The following KDSR variants were observed in gnomAD, a reference collection of about 807,000 sequenced individuals.
KDSR encodes the protein 3-ketodihydrosphingosine reductase.
A neutral mutation model predicts 41.3 loss-of-function variants in KDSR; 23 were observed. The ratio of observed to expected loss-of-function variants is 0.56; its 90% confidence interval spans 0.40 to 0.79. KDSR has a LOEUF of 0.79. Ranked by LOEUF, KDSR falls within the 30% of genes least tolerant of loss-of-function variation. KDSR has a pLI of 0.00. For synonymous variants in KDSR, 138 were observed against 151.7 expected (o/e 0.91, Z 0.66); for missense variants, 351 against 416.8 (o/e 0.84, Z 1.37).
chr18:63,347,225 C>CG (rs2144361763), intron 6 of KDSR, among the ~76,000 whole-genome samples: 1 of 152,092 alleles, frequency 6.6e-6, no homozygotes, highest in East Asian at 1.9e-4. Flanking sequence ...ATTTGTGGGC[C>CG]GGGTGCAGTG....
intron 5 of KDSR, among the ~76,000 whole-genome samples, chr18:63,353,291 G>GT (rs1160094900): frequency 6.6e-6 from 1 of 152,164 alleles, no homozygotes; most frequent in Admixed American, 6.5e-5. Context: ...GTAAAGAGAT[G>GT]TTTTTTAAGG....
rs554953645 is a variant in KDSR at position 63,366,669 on chromosome 18, G to GA, written c.108+341dup. On this transcript the variant is annotated intron_variant, in intron 1 of 9. Transcript: ENST00000645214. ...TCTCTGTGCCTCAGTTGACTCATCG[G>GA]AAAAACTGAGGACAAAACATCCACA... 762 of 222,194 alleles carry GA rather than the reference G, an allele frequency of 3.4e-3. 10 individuals are homozygous for GA. Among genetic ancestry groups the GA allele is most frequent in the African/African-American group, 0.016 (712 of 44,036 alleles). The allele number at this position is 222,194 out of a possible 1,614,324, so 13.8% of individuals were successfully genotyped here.
intron 3 of KDSR, among the ~76,000 whole-genome samples, chr18:63,357,742 A>G (rs1914842888): frequency 6.6e-6 from 1 of 151,810 alleles, no homozygotes; most frequent in Non-Finnish European, 1.5e-5. Flanking sequence ...GGTGCAGCTA[A>G]CTTTTTATAT....
intron 1 of KDSR, 55 bp from the exon 2 acceptor site, chr18:63,362,923 GT>G: frequency 1.6e-6 from 2 of 1,237,020 alleles, no homozygotes; most frequent in East Asian, 4.7e-5. Flanking sequence ...TCTGTAGGAA[GT>G]TTTTATAAAA....
At chr18:63,352,606 G>A (rs1268004076) in intron 5 of KDSR, among the ~76,000 whole-genome samples, 4 of 152,190 alleles carry the variant, frequency 2.6e-5, no homozygotes, top group African/African-American at 7.2e-5. Context: ...GTGAGCCACT[G>A]TACTTGGCCT....
rs767249236 is a variant in KDSR, at chr18:63,367,127, G to A, written c.-9C>T. 7 of 1,307,800 alleles carry A rather than the reference G, an allele frequency of 5.4e-6. No homozygotes were observed. The highest frequency in any genetic ancestry group is 5.9e-6 in the Non-Finnish European group (6 of 1,023,030). The allele number at this position is 1,307,800 out of a possible 1,614,324, so 81.0% of individuals were successfully genotyped here. On this transcript the variant is annotated 5_prime_UTR_variant, in exon 1 of 10. Coordinates refer to ENST00000645214, the MANE Select transcript of KDSR (RefSeq NM_002035.4). The stretch of plus-strand genomic sequence containing the variant: ...GCAGCCAGCAGCAGCATCGCTCCGC[G>A]GGGCCAGGGGCCCGGAGCGGCCGGG...
chr18:63,331,896 G>T lies in KDSR; in HGVS notation c.885C>A (p.Val295=), dbSNP rs778897629. ...TSITEGLQQV[V]TMGLFRTIAL... is the part of the protein sequence containing the mutation. ...CAATAGTGCGGAAAAGGCCCATGGT[G>T]ACCACCTGCAAGATAAAGAGAGAGC... is the stretch of plus-strand genomic sequence containing the variant. Residue 295 remains valine, a synonymous_variant, in exon 10 of 10, where the codon GTC becomes GTA. Coordinates refer to ENST00000645214, the MANE Select transcript of KDSR (RefSeq NM_002035.4). The T allele has an allele frequency of 1.2e-6, 2 of 1,613,182 alleles. No individual in the cohort carries two copies. Among genetic ancestry groups the T allele is most frequent in the South Asian group, 2.2e-5 (2 of 90,766 alleles).
Position 63,335,203 on chromosome 18 carries a change from C to T in KDSR, c.879+54G>A. On this transcript the variant is annotated intron_variant, in intron 9 of 9. Coordinates refer to ENST00000645214, the MANE Select transcript of KDSR (RefSeq NM_002035.4). Reference sequence around the variant, plus strand: ...CTTCTCATCAAGGTTTGATGAAAGGCAGTTTTTCTCTTGTCCATCGGCCTG... The same window carrying T: ...CTTCTCATCAAGGTTTGATGAAAGGTAGTTTTTCTCTTGTCCATCGGCCTG... 8 of 1,133,328 alleles carry T rather than the reference C, an allele frequency of 7.1e-6. No homozygotes were observed. The South Asian group carries it at 1.0e-4, about 15-fold the overall frequency. 70.2% of individuals were successfully genotyped at this position (1,133,328 alleles called of 1,614,324 possible). A position where few individuals can be genotyped will look rare whatever the true frequency, so the allele number is the denominator to read the frequency against.
In KDSR at chr18:63,344,457, G is replaced by C; in HGVS notation, c.646C>G (p.Pro216Ala). The change falls in exon 7 of 10, where the codon CCA becomes GCA. Residue 216 changes from proline (P) to alanine (A), a missense_variant. Pro to Ala is a conservative substitution (Grantham distance 27). Transcript: ENST00000645214. The stretch of plus-strand genomic sequence containing the variant: ...AAGCCAGGTGTGTCTGTGTCTGGTG[G>C]GTAAGCAACTGTGATGTAGACATTA... The part of the protein sequence containing the change: ...PYNVYITVAY[P>A]PDTDTPGFAE... The C allele has an allele frequency of 6.2e-7, 1 of 1,613,956 alleles. No individual in the cohort carries two copies. The highest frequency in any genetic ancestry group is 8.5e-7 in the Non-Finnish European group (1 of 1,179,870).
intron 7 of KDSR, among the ~76,000 whole-genome samples, chr18:63,342,432 C>T (rs1041027157): frequency 2.0e-5 from 3 of 152,126 alleles, no homozygotes; most frequent in South Asian, 2.1e-4. Context: ...GGAACGGGGA[C>T]GACCCCAGGA....
chr18:63,356,581 A>G (rs1253951291), intron 3 of KDSR, among the ~76,000 whole-genome samples: 1 of 152,228 alleles, frequency 6.6e-6, no homozygotes, highest in Non-Finnish European at 1.5e-5. Context: ...GGGCAGAAGG[A>G]TCAAGCTCAT....
At chr18:63,347,093 C>G (rs1914526923) in intron 6 of KDSR, among the ~76,000 whole-genome samples, 1 of 152,120 alleles carries the variant, frequency 6.6e-6, no homozygotes. Flanking sequence ...CTCCTCATCC[C>G]TGTTGCCTGA....
At chr18:63,360,498 T>A (rs1008184705) in intron 2 of KDSR, among the ~76,000 whole-genome samples, 2 of 152,222 alleles carry the variant, frequency 1.3e-5, no homozygotes, top group Non-Finnish European at 1.5e-5. Flanking sequence ...TAAACCTGAA[T>A]ATGTCTATAA....
At chr18:63,365,737 C>T (rs1246671596) in intron 1 of KDSR, among the ~76,000 whole-genome samples, 4 of 152,172 alleles carry the variant, frequency 2.6e-5, no homozygotes, top group African/African-American at 7.2e-5. Flanking sequence ...TTTAAAGCCA[C>T]GCTTTTGAGG....
At chr18:63,353,164 G>C (rs531265006) in intron 5 of KDSR, among the ~76,000 whole-genome samples, 18 of 151,886 alleles carry the variant, frequency 1.2e-4, no homozygotes, top group Admixed American at 2.0e-4. Context: ...CTGGGTGACA[G>C]AGTAAGACTC....
intron 8 of KDSR, chr18:63,335,635 TAC>T (rs1914131490): frequency 3.5e-6 from 1 of 287,422 alleles, no homozygotes; most frequent in African/African-American, 2.2e-5. Flanking sequence ...GTATGGAAAA[TAC>T]AGTTTTGCCT....
In KDSR at chr18:63,350,974, C is replaced by T; in HGVS notation, c.523G>A (p.Ala175Thr). Residue 175 changes from alanine to threonine, a missense_variant, in exon 6 of 10, where the codon GCA becomes ACA. Ala to Thr is a moderately conservative substitution (Grantham distance 58). Transcript: ENST00000645214. ...VGRIVFVSSQ[A>T]GQLGLFGFTA... Reference sequence around the variant, plus strand: ...AAACCGAATAATCCCAACTGTCCTGCCTGGGAGGACACAAACACGATCCTG... The same window carrying T: ...AAACCGAATAATCCCAACTGTCCTGTCTGGGAGGACACAAACACGATCCTG... 2 of 1,614,164 alleles carry T rather than the reference C, an allele frequency of 1.2e-6. No homozygotes were observed. Among genetic ancestry groups the T allele is most frequent in the Non-Finnish European group, 1.7e-6 (2 of 1,179,998 alleles).
At chr18:63,349,309 G>T (rs965366722) in intron 6 of KDSR, among the ~76,000 whole-genome samples, 4 of 152,146 alleles carry the variant, frequency 2.6e-5, no homozygotes, top group African/African-American at 9.7e-5. Context: ...CTTGAGCCAA[G>T]GAGCTCAGGG....
intron 7 of KDSR, among the ~76,000 whole-genome samples, chr18:63,340,589 A>C (rs1443489854): frequency 6.6e-6 from 1 of 152,246 alleles, no homozygotes; most frequent in Admixed American, 6.5e-5. Flanking sequence ...ACTATGTGTC[A>C]AGGCAAAGGG....
Sources: gnomAD v4.1 joint callset for allele counts (sites outside exome capture counted in the v4.1 genomes callset) on GRCh38, gnomAD v4.1.1 for gene constraint, MANE v1.5 for transcripts, NCBI Gene and HGNC (gene_info 2026-07-23, HGNC 2026-07-21) for gene names.